BCAN: variants seen among roughly 807,000 people sequenced by gnomAD.
BCAN encodes the protein brevican core protein.
Under a neutral mutation model 92.4 loss-of-function variants are expected in BCAN, and 51 were observed. That is an observed-to-expected ratio of 0.55 (90% CI 0.44 to 0.70). BCAN has a LOEUF of 0.70. BCAN is among the 30% of genes least tolerant of loss of function. The probability of loss-of-function intolerance (pLI) is 0.00; values close to 1 mark genes in which losing one functional copy is unlikely to be tolerated. For missense variants in BCAN, 1,140 were observed against 1,212.1 expected (o/e 0.94, Z 0.88); for synonymous variants, 501 against 505.2 (o/e 0.99, Z 0.11).
In BCAN at chr1:156,658,699, A is replaced by G. The variant is rs761374302; in HGVS notation, c.2594A>G (p.Glu865Gly). 18 of 1,613,972 alleles carry G rather than the reference A, an allele frequency of 1.1e-5. No individual in the cohort carries two copies. In the East Asian group the frequency reaches 2.7e-4, roughly 24 times the overall value. Residue 865 changes from glutamate to glycine, a missense_variant, in exon 13 of 14, where the codon GAG (glutamate) becomes GGG (glycine). This residue lies in a region of BCAN where 825 missense variants were observed against 871.8 expected (regional missense o/e 0.95). Coordinates refer to ENST00000329117, the MANE Select transcript of BCAN (RefSeq NM_021948.5). This position sits in a 1 kb window ranked among gnomAD's most constrained non-coding sequence, Gnocchi z 4.4. ...LIRCQENGRW[E>G]APQISCVPRR... ...CGATGCCAAGAGAACGGTCGTTGGGAGGCCCCCCAGATCTCCTGTGTGCCC... is the reference window on the plus strand; with the variant it reads ...CGATGCCAAGAGAACGGTCGTTGGGGGGCCCCCCAGATCTCCTGTGTGCCC...
intron 1 of BCAN, chr1:156,644,834 T>C (rs1054697635): frequency 6.6e-6 from 1 of 152,204 alleles, no homozygotes; most frequent in African/African-American, 2.4e-5. Context: ...CTCTAGGAAG[T>C]CCTGCCTGTA....
At chr1:156,649,811 C>A (rs369746146) in intron 6 of BCAN, 24 of 510,720 alleles carry the variant, frequency 4.7e-5, no homozygotes, top group Middle Eastern at 6.6e-4. Flanking sequence ...CATTGCCATG[C>A]GGTGTCTCGG....
At position 156,647,052 on chromosome 1, in the gene BCAN, G is replaced by A; in HGVS notation, c.343G>A (p.Ala115Thr). The A allele has an allele frequency of 2.5e-6, 4 of 1,611,730 alleles. No individual in the cohort carries two copies. Among genetic ancestry groups the A allele is most frequent in the Non-Finnish European group, 3.4e-6 (4 of 1,178,476 alleles). ...CCGCGTGGCACTGCCTGCGTACCCAGCGTCGCTCACCGACGTCTCCCTGGC... is the reference window on the plus strand; with the variant it reads ...CCGCGTGGCACTGCCTGCGTACCCAACGTCGCTCACCGACGTCTCCCTGGC... ...RFRVALPAYPASLTDVSLALS... is the reference protein window; with the variant it reads ...RFRVALPAYPTSLTDVSLALS... Residue 115 changes from alanine (A) to threonine (T), a missense_variant, in exon 3 of 14, where the codon GCG becomes ACG. Physicochemically the swap from Ala to Thr is moderately conservative, Grantham distance 58. This residue lies in a region of BCAN where 286 missense variants were observed against 284.1 expected (regional missense o/e 1.01). Coordinates refer to ENST00000329117, the MANE Select transcript of BCAN (RefSeq NM_021948.5). This position sits in a 1 kb window ranked among gnomAD's most constrained non-coding sequence, Gnocchi z 4.8.
chr1:156,651,666 C>T lies in BCAN; in HGVS notation c.1274C>T (p.Ala425Val). 1 of 1,612,970 alleles carries T rather than the reference C, an allele frequency of 6.2e-7. No homozygotes were observed. The change falls in exon 7 of 14, where the codon GCA becomes GTA. Residue 425 changes from alanine (A) to valine (V), a missense_variant. Physicochemically the swap from Ala to Val is moderately conservative, Grantham distance 64. This residue lies in a region of BCAN where 825 missense variants were observed against 871.8 expected (regional missense o/e 0.95). Transcript: ENST00000329117. ...GGAAGCTCCACTCCAGAAGACCCAG[C>T]AGAGGCCCCTAGGACGCTCCTAGGT... is the stretch of plus-strand genomic sequence containing the variant. Reference protein sequence around the residue: ...GGGSSTPEDPAEAPRTLLEFE... With the variant: ...GGGSSTPEDPVEAPRTLLEFE...
At chr1:156,649,770 C>A (rs2102561430) in intron 6 of BCAN, 1 of 434,450 alleles carries the variant, frequency 2.3e-6, no homozygotes, top group Non-Finnish European at 4.5e-6. Flanking sequence ...TGCAAAAGGC[C>A]CAGGCCAAGG....
intron 10 of BCAN, 169 bp downstream of exon 10, chr1:156,657,265 C>T (rs1187359961): frequency 2.0e-6 from 2 of 980,116 alleles, no homozygotes; most frequent in Non-Finnish European, 2.9e-6. Context: ...CCTTCCCACC[C>T]TACGCTTAGG....
rs373345126 is a variant in BCAN, at chr1:156,651,597, G to T, written c.1205G>T (p.Arg402Leu). 4 of 1,613,896 alleles carry T rather than the reference G, an allele frequency of 2.5e-6. No homozygotes were observed. Among genetic ancestry groups the T allele is most frequent in the Admixed American group, 1.7e-5 (1 of 60,026 alleles). The change falls in exon 7 of 14, where the codon CGT (arginine) becomes CTT (leucine). Residue 402 changes from arginine (R) to leucine (L), a missense_variant. By Grantham distance (102) the Arg-to-Leu change is moderately radical. Around this residue, in one of 3 missense-constraint regions of BCAN, gnomAD observed 825 missense variants for 871.8 expected, o/e 0.95. Transcript: ENST00000329117. Reference sequence around the variant, plus strand: ...CAGGAAGCCACAGAGAGTGAATCCCGTGGGGCCATCTACTCCATCCCCATC... The same window carrying T: ...CAGGAAGCCACAGAGAGTGAATCCCTTGGGGCCATCTACTCCATCCCCATC... Reference protein sequence around the residue: ...LPQEATESESRGAIYSIPIME... With the variant: ...LPQEATESESLGAIYSIPIME...
In BCAN at chr1:156,658,660, A is replaced by G; in HGVS notation, c.2555A>G (p.Asn852Ser). Residue 852 changes from asparagine (N) to serine (S), a missense_variant, in exon 13 of 14, where the codon AAT (asparagine) becomes AGT (serine). By Grantham distance (46) the Asn-to-Ser change is conservative. Coordinates refer to ENST00000329117, the MANE Select transcript of BCAN (RefSeq NM_021948.5). The surrounding 1 kb of genome is among the most constrained non-coding windows in gnomAD (Gnocchi z 4.4). ...YRCREGLAQR[N>S]LPLIRCQENG... ...TGCCGGGAAGGACTGGCCCAGCGCAATCTGCCGCTGATCCGATGCCAAGAG... is the reference window on the plus strand; with the variant it reads ...TGCCGGGAAGGACTGGCCCAGCGCAGTCTGCCGCTGATCCGATGCCAAGAG... The G allele has an allele frequency of 6.2e-7, 1 of 1,614,152 alleles. No individual in the cohort carries two copies. Among genetic ancestry groups the G allele is most frequent in the Non-Finnish European group, 8.5e-7 (1 of 1,180,042 alleles).
At chr1:156,651,850 C>A (rs1215032850) in intron 7 of BCAN, among the ~76,000 whole-genome samples, 161 bp downstream of exon 7, 10 of 152,148 alleles carry the variant, frequency 6.6e-5, no homozygotes, top group Non-Finnish European at 1.2e-4. Context: ...CTCTCCCAAC[C>A]TTTGCTTTTC....
At chr1:156,652,161 G>A (rs1679184640) in intron 7 of BCAN, 87 bp from the exon 8 acceptor site, 3 of 1,504,582 alleles carry the variant, frequency 2.0e-6, no homozygotes. Flanking sequence ...TCACCCTCCT[G>A]AGCCCTACTT....
In BCAN at chr1:156,648,776, G is replaced by C. The variant is rs1170642659; in HGVS notation, c.978G>C (p.Leu326Phe). ...CCAGCCAGCGCTGTGGTGGGGGCTT[G>C]CCTGGTGTCAAGACTCTCTTCCTCT... is the stretch of plus-strand genomic sequence containing the variant. ...VTPSQRCGGG[L>F]PGVKTLFLFP... The change falls in exon 6 of 14, where the codon TTG becomes TTC. Residue 326 changes from leucine to phenylalanine, a missense_variant. By Grantham distance (22) the Leu-to-Phe change is conservative (BLOSUM62 0). Around this residue, in one of 3 missense-constraint regions of BCAN, gnomAD observed 825 missense variants for 871.8 expected, o/e 0.95. Coordinates refer to ENST00000329117, the MANE Select transcript of BCAN (RefSeq NM_021948.5). 3 of 1,608,650 alleles carry C rather than the reference G, an allele frequency of 1.9e-6. No individual in the cohort carries two copies. The highest frequency in any genetic ancestry group is 1.7e-5 in the Admixed American group (1 of 59,892).
chr1:156,645,965 C>A, intron 1 of BCAN, 82 bp from the exon 2 acceptor site: 4 of 1,207,076 alleles, frequency 3.3e-6, no homozygotes, highest in Non-Finnish European at 4.7e-6. Context: ...TATGTGTGAA[C>A]CCACATGGGT....
chr1:156,649,856 A>C (rs761367595), intron 6 of BCAN: 3 of 518,684 alleles, frequency 5.8e-6, no homozygotes, highest in South Asian at 2.8e-5. Flanking sequence ...ATACTGTTAC[A>C]AGAGCTGGAA....
rs546964587 is a variant in BCAN at position 156,642,444 on chromosome 1, C to G, written c.-9+169C>G. ...GGGTAGGCTGCTGGACAGCCCCGAG[C>G]GCCTGCAGCTGCTGCTGCCATCTCT... On this transcript the variant is annotated intron_variant, in intron 1 of 13. Coordinates refer to ENST00000329117, the MANE Select transcript of BCAN (RefSeq NM_021948.5). This position sits in a 1 kb window ranked among gnomAD's most constrained non-coding sequence, Gnocchi z 4.2. The G allele has an allele frequency of 6.6e-6, 1 of 152,482 alleles. No homozygotes were observed. Among genetic ancestry groups the G allele is most frequent in the East Asian group, 1.9e-4 (1 of 5,186 alleles). The allele number at this position is 152,482 out of a possible 1,614,324, so 9.4% of individuals were successfully genotyped here. A position where few individuals can be genotyped will look rare whatever the true frequency, so the allele number is the denominator to read the frequency against.
Position 156,647,585 on chromosome 1 carries a change from A to G in BCAN, c.544A>G (p.Ile182Val). The change falls in exon 4 of 14, where the codon ATT becomes GTT. Residue 182 changes from isoleucine (I) to valine (V), a missense_variant. Physicochemically the swap from Ile to Val is conservative, Grantham distance 29 (BLOSUM62 3). Coordinates refer to ENST00000329117, the MANE Select transcript of BCAN (RefSeq NM_021948.5). This position sits in a 1 kb window ranked among gnomAD's most constrained non-coding sequence, Gnocchi z 4.8. ...TGGGGCCCAGGAGGCCTGTGCCCGC[A>G]TTGGAGCCCACATCGCCACCCCGGA... The part of the protein sequence containing the change: ...FSGAQEACAR[I>V]GAHIATPEQL... 6.2e-7 allele frequency: 1 copy of G among 1,612,986 alleles called. No homozygotes were observed. The highest frequency in any genetic ancestry group is 8.5e-7 in the Non-Finnish European group (1 of 1,179,636).
Position 156,647,734 on chromosome 1 carries a change from G to A in BCAN, c.641+52G>A. On this transcript the variant is annotated intron_variant, in intron 4 of 13. Coordinates refer to ENST00000329117, the MANE Select transcript of BCAN (RefSeq NM_021948.5). The surrounding 1 kb of genome is among the most constrained non-coding windows in gnomAD (Gnocchi z 4.8). Reference sequence around the variant, plus strand: ...TCTATTGGCCCCTGAGGTGGCCATGGCCCCCCTTCTGCTGGGTGCTGCCTG... The same window carrying A: ...TCTATTGGCCCCTGAGGTGGCCATGACCCCCCTTCTGCTGGGTGCTGCCTG... 1 of 1,553,390 alleles carries A rather than the reference G, an allele frequency of 6.4e-7. No individual in the cohort carries two copies. Among genetic ancestry groups the A allele is most frequent in the Non-Finnish European group, 8.7e-7 (1 of 1,145,562 alleles).
chr1:156,649,812 G>A (rs115656840), intron 6 of BCAN: 8,788 of 511,614 alleles, frequency 0.017, 642 homozygotes, highest in African/African-American at 0.15. Context: ...ATTGCCATGC[G>A]GTGTCTCGGT....
At position 156,647,656 on chromosome 1, in the gene BCAN, T is replaced by C. The variant is rs1041060322; in HGVS notation, c.615T>C (p.Ala205=). ...AYLGGYEQCD[A]GWLSDQTVRY... is the part of the protein sequence containing the mutation. ...TTGGGGGCTATGAGCAATGTGATGCTGGCTGGCTGTCGGATCAGACCGTGA... is the reference window on the plus strand; with the variant it reads ...TTGGGGGCTATGAGCAATGTGATGCCGGCTGGCTGTCGGATCAGACCGTGA... Residue 205 remains alanine (A), a synonymous_variant, in exon 4 of 14, where the codon GCT becomes GCC. Coordinates refer to ENST00000329117, the MANE Select transcript of BCAN (RefSeq NM_021948.5). This position sits in a 1 kb window ranked among gnomAD's most constrained non-coding sequence, Gnocchi z 4.8. 1.9e-6 allele frequency: 3 copies of C among 1,601,030 alleles called. No individual in the cohort carries two copies. The highest frequency in any genetic ancestry group is 1.7e-5 in the Admixed American group (1 of 58,172).
In BCAN at chr1:156,658,721, G is replaced by A; in HGVS notation, c.2616G>A (p.Val872=). ...GRWEAPQISC[V]PRRPARALHP... ...GGGAGGCCCCCCAGATCTCCTGTGT[G>A]CCCAGAAGACCTGTGAGTGCCAGGA... The change falls in exon 13 of 14, where the codon GTG becomes GTA. Residue 872 remains valine (V), a synonymous_variant. Transcript: ENST00000329117. The surrounding 1 kb of genome is among the most constrained non-coding windows in gnomAD (Gnocchi z 4.4). 1 of 1,614,004 alleles carries A rather than the reference G, an allele frequency of 6.2e-7. No homozygotes were observed. Among genetic ancestry groups the A allele is most frequent in the South Asian group, 1.1e-5 (1 of 91,088 alleles).
Sources: allele counts gnomAD v4.1 joint callset (sites outside exome capture counted in the v4.1 genomes callset), GRCh38; gene constraint gnomAD v4.1.1; regional missense constraint gnomAD v4.1.1; non-coding constraint Gnocchi (gnomAD v3.1); transcripts MANE v1.5; gene names NCBI Gene and HGNC (gene_info 2026-07-23, HGNC 2026-07-21).